SAMD3: variants seen among roughly 807,000 people sequenced by gnomAD.
SAMD3 encodes the protein sterile alpha motif domain containing 3.
A neutral mutation model predicts 58.5 loss-of-function variants in SAMD3; 63 were observed. The ratio of observed to expected loss-of-function variants is 1.08; its 90% CI spans 0.88 to 1.33. SAMD3 has a LOEUF of 1.33. SAMD3 is among the 40% of genes most tolerant of loss of function. The probability of loss-of-function intolerance (pLI) is 0.00; values close to 1 mark genes in which losing one functional copy is unlikely to be tolerated. For missense variants in SAMD3, 604 were observed against 608.4 expected (o/e 0.99, Z 0.08); for synonymous variants, 220 against 210.3 (o/e 1.05, Z -0.40).
chr6:130,183,511 A>C, intron 7 of SAMD3: 1 of 408,886 alleles, frequency 2.4e-6, no homozygotes, highest in Non-Finnish European at 4.7e-6. Flanking sequence ...ACACTTGATG[A>C]CAGCTCCGAA....
intron 2 of SAMD3, among the ~76,000 whole-genome samples, chr6:130,231,399 A>G (rs958355482): frequency 1.3e-5 from 2 of 152,096 alleles, no homozygotes; most frequent in Admixed American, 1.3e-4. Flanking sequence ...CCCTGTCTCT[A>G]CTAAAAATAG....
intron 8 of SAMD3, among the ~76,000 whole-genome samples, chr6:130,173,765 A>C (rs1791458083): frequency 6.6e-6 from 1 of 152,210 alleles, no homozygotes; most frequent in Admixed American, 6.5e-5. Context: ...AGCAGGCAGG[A>C]AGGATTAAAG....
rs150924956 is a variant in SAMD3 at position 130,244,742 on chromosome 6, AAAAAATAAAAATAAAAAT to A, written c.-187-21947_-187-21930del. On this transcript the variant is annotated intron_variant, in intron 2 of 13. Coordinates refer to the SAMD3 transcript ENST00000368134. Reference sequence around the variant, plus strand: ...GTGACAGGACGAGCCTGTCTCAAAAAAAAAATAAAAATAAAAATAAAAATAAAAATAAAAATAAAAATA... The same window carrying A: ...GTGACAGGACGAGCCTGTCTCAAAAAAAAAATAAAAATAAAAATAAAAATA... 2.6e-3 allele frequency among the ~76,000 whole-genome samples: 360 copies of A among 141,136 alleles called. 1 individual carries two copies. The highest frequency in any genetic ancestry group is 0.014 in the Middle Eastern group (4 of 290). 92.6% of individuals were successfully genotyped at this position (141,136 alleles called of 152,430 possible). A position where few individuals can be genotyped will look rare whatever the true frequency, so the allele number is the denominator to read the frequency against.
rs139572390 is a variant in SAMD3, at chr6:130,249,980, T to G, written c.-187-27167A>C. Among the ~76,000 whole-genome samples the G allele has an allele frequency of 6.0e-3, 913 of 152,224 alleles. 11 individuals are homozygous for G. The highest frequency in any genetic ancestry group is 0.021 in the African/African-American group (868 of 41,556). On this transcript the variant is annotated intron_variant, in intron 2 of 13. Coordinates refer to the SAMD3 transcript ENST00000368134. ...AAAGGAGGGCTCCCCATTTACAGCA[T>G]CCAACCCTGATCAATCACAGAGTTT...
chr6:130,353,984 C>T (rs1777753705), intron 1 of SAMD3, among the ~76,000 whole-genome samples: 2 of 151,902 alleles, frequency 1.3e-5, no homozygotes, highest in Admixed American at 6.6e-5. Context: ...AAGAAAAAAA[C>T]AAACAACCCC....
chr6:130,365,766 G>A, upstream of SAMD3: 1 of 985,448 alleles, frequency 1.0e-6, no homozygotes, highest in Non-Finnish European at 1.2e-6. Flanking sequence ...GGTGATTTGG[G>A]CTCTCGAAGT....
chr6:130,200,110 A>G (rs1794509020), intron 5 of SAMD3, among the ~76,000 whole-genome samples: 1 of 152,136 alleles, frequency 6.6e-6, no homozygotes, highest in Non-Finnish European at 1.5e-5. Context: ...AGCAGAAAAA[A>G]AAAACTTTTA....
At chr6:130,249,671 A>T (rs1362967487) in intron 2 of SAMD3, among the ~76,000 whole-genome samples, 2 of 152,194 alleles carry the variant, frequency 1.3e-5, no homozygotes, top group Non-Finnish European at 2.9e-5. Flanking sequence ...AGTCTGTACT[A>T]TCTAAAAATT....
chr6:130,220,889 T>G (rs1434306688), intron 1 of SAMD3, among the ~76,000 whole-genome samples: 1 of 152,150 alleles, frequency 6.6e-6, no homozygotes, highest in Non-Finnish European at 1.5e-5. Context: ...AGTCTCGCTC[T>G]GTTGCCCAGG....
chr6:130,166,305 A>AGTG (rs2114633411), intron 8 of SAMD3, among the ~76,000 whole-genome samples: 1 of 152,348 alleles, frequency 6.6e-6, no homozygotes, highest in East Asian at 1.9e-4. Context: ...ACTGGGCAAC[A>AGTG]AAAAATGTCT....
At chr6:130,250,207 A>G (rs1284937165) in intron 2 of SAMD3, among the ~76,000 whole-genome samples, 1 of 152,214 alleles carries the variant, frequency 6.6e-6, no homozygotes, top group Non-Finnish European at 1.5e-5. Context: ...GAATAAAGGT[A>G]TTTCTAAAGA....
chr6:130,185,628 AT>A (rs1224222250), intron 5 of SAMD3, among the ~76,000 whole-genome samples: 4,854 of 132,366 alleles, frequency 0.037, 94 homozygotes, highest in South Asian at 0.052. Flanking sequence ...CATCTGCCCA[AT>A]TTTTTTTTTT....
At chr6:130,145,290 C>A in intron 11 of SAMD3, 50 bp downstream of exon 11, 1 of 823,180 alleles carries the variant, frequency 1.2e-6, no homozygotes, top group Non-Finnish European at 1.9e-6. Flanking sequence ...TATAAATAAT[C>A]GCATGAAGAT....
chr6:130,249,547 T>C (rs1447647081), intron 2 of SAMD3, among the ~76,000 whole-genome samples: 1 of 152,188 alleles, frequency 6.6e-6, no homozygotes, highest in African/African-American at 2.4e-5. Flanking sequence ...TCCCACGGTG[T>C]ATGCTTTTAT....
At chr6:130,280,604 A>G (rs1399393267) in intron 2 of SAMD3, among the ~76,000 whole-genome samples, 2 of 151,988 alleles carry the variant, frequency 1.3e-5, no homozygotes, top group African/African-American at 4.8e-5. Context: ...CTGCACTCAA[A>G]TTTACTGTGT....
chr6:130,199,705 G>T (rs771669554), intron 5 of SAMD3, among the ~76,000 whole-genome samples: 14 of 152,186 alleles, frequency 9.2e-5, no homozygotes, highest in Non-Finnish European at 1.9e-4. Flanking sequence ...AAGGTGAGAT[G>T]CTGTCTCTGA....
At chr6:130,224,588 TTTATTTATTATTA>T (rs1390703503), upstream of SAMD3, among the ~76,000 whole-genome samples, 3 of 136,722 alleles carry the variant, frequency 2.2e-5, no homozygotes, top group South Asian at 4.8e-4. Flanking sequence ...AAGCACTCTA[TTTATTTATTATTA>T]TTATTATTAT....
chr6:130,251,401 G>GT (rs369765301), intron 2 of SAMD3, among the ~76,000 whole-genome samples: 1 of 152,002 alleles, frequency 6.6e-6, no homozygotes, highest in Non-Finnish European at 1.5e-5. Flanking sequence ...AATTTATCTA[G>GT]TTTTTTTCTT....
intron 2 of SAMD3, among the ~76,000 whole-genome samples, chr6:130,254,557 A>C (rs1773862314): frequency 6.6e-6 from 1 of 152,080 alleles, no homozygotes; most frequent in East Asian, 1.9e-4. Context: ...TCAAATTCCT[A>C]GGCTCAAGCA....
Sources: allele counts gnomAD v4.1 joint callset (sites outside exome capture counted in the v4.1 genomes callset), GRCh38; gene constraint gnomAD v4.1.1; transcripts MANE v1.5; gene names NCBI Gene and HGNC (gene_info 2026-07-23, HGNC 2026-07-21).